NUBPL: variants seen among roughly 807,000 people sequenced by gnomAD.
NUBPL encodes the protein NUBP iron-sulfur cluster assembly factor, mitochondrial, also known as iron-sulfur cluster transfer protein NUBPL.
A neutral mutation model predicts 45.7 loss-of-function variants in NUBPL; 31 were observed. The ratio of observed to expected loss-of-function variants is 0.68; its 90% CI spans 0.51 to 0.92. NUBPL has a LOEUF of 0.92. Among genes scored for constraint, NUBPL ranks in the 40% least tolerant of loss-of-function variants. NUBPL has a pLI of 0.00. For synonymous variants in NUBPL, 144 were observed against 140.9 expected, an observed-to-expected ratio of 1.02 and a Z score of -0.15; for missense variants, 401 against 398.7, an observed-to-expected ratio of 1.01 and a Z score of -0.05.
Position 31,826,647 on chromosome 14 carries a change from C to T in NUBPL, c.626C>T (p.Thr209Met), listed in dbSNP as rs372679883. The T allele has an allele frequency of 1.3e-5, 21 of 1,614,074 alleles. No homozygotes were observed. Among genetic ancestry groups the T allele is most frequent in the Non-Finnish European group, 1.5e-5 (18 of 1,179,928 alleles). Residue 209 changes from threonine to methionine, a missense_variant, in exon 8 of 11, where the codon ACG becomes ATG. Thr to Met is a moderately conservative substitution (Grantham distance 81, BLOSUM62 -1). Coordinates refer to ENST00000281081, the MANE Select transcript of NUBPL (RefSeq NM_025152.3). ...TGGCTAGGTGCTGTGATTGTCTCCACGCCCCAGGACATCGCATTGATGGAT... is the reference window on the plus strand; with the variant it reads ...TGGCTAGGTGCTGTGATTGTCTCCATGCCCCAGGACATCGCATTGATGGAT... ...IPITGAVIVS[T>M]PQDIALMDAH...
intron 6 of NUBPL, among the ~76,000 whole-genome samples, chr14:31,710,302 C>T (rs1025854945): frequency 6.6e-6 from 1 of 152,150 alleles, no homozygotes. Context: ...CTGCAATGGT[C>T]CCTGGACCCT....
intron 3 of NUBPL, among the ~76,000 whole-genome samples, chr14:31,579,333 G>T (rs1407283600): frequency 1.3e-5 from 2 of 152,148 alleles, no homozygotes; most frequent in East Asian, 3.8e-4. Flanking sequence ...GGAGGAAAAG[G>T]ATATCTGTAT....
At chr14:31,589,689 A>G (rs956811287) in intron 3 of NUBPL, among the ~76,000 whole-genome samples, 1 of 152,116 alleles carries the variant, frequency 6.6e-6, no homozygotes, top group Non-Finnish European at 1.5e-5. Flanking sequence ...CACACACCAC[A>G]TTCACCCTGA....
intron 6 of NUBPL, among the ~76,000 whole-genome samples, chr14:31,733,121 G>C (rs1450602556): frequency 1.3e-5 from 2 of 152,038 alleles, no homozygotes; most frequent in East Asian, 3.8e-4. Context: ...CAAATGTAAA[G>C]ATATTTTCCC....
chr14:31,579,599 A>C (rs2033810081), intron 3 of NUBPL, among the ~76,000 whole-genome samples: 1 of 152,228 alleles, frequency 6.6e-6, no homozygotes, highest in African/African-American at 2.4e-5. Context: ...AGTGAAATGC[A>C]GTTTCAGTGG....
At chr14:31,783,892 A>G (rs1253267206) in intron 6 of NUBPL, among the ~76,000 whole-genome samples, 1 of 152,216 alleles carries the variant, frequency 6.6e-6, no homozygotes, top group Non-Finnish European at 1.5e-5. Context: ...GGGAAAAACA[A>G]TGATAAATTA....
At chr14:31,667,342 G>A (rs1029000653) in intron 4 of NUBPL, among the ~76,000 whole-genome samples, 4 of 151,468 alleles carry the variant, frequency 2.6e-5, no homozygotes, top group Admixed American at 1.3e-4. Context: ...TGATCAATTC[G>A]ACTATTGATA....
rs371481325 is a variant in NUBPL at position 31,635,230 on chromosome 14, G to A, written c.382+35851G>A. Among the ~76,000 whole-genome samples the A allele has an allele frequency of 5.3e-5, 8 of 152,080 alleles. No homozygotes were observed. The South Asian group carries it at 8.3e-4, about 16-fold the overall frequency. ...GGGTTTTTATGGTTTTAGGTCTAAC[G>A]TTTAAGTCTTTAATCCATCTTGAAT... On this transcript the variant is annotated intron_variant, in intron 4 of 10. Coordinates refer to ENST00000281081, the MANE Select transcript of NUBPL (RefSeq NM_025152.3).
intron 4 of NUBPL, among the ~76,000 whole-genome samples, chr14:31,657,128 C>G (rs2036159903): frequency 6.6e-6 from 1 of 152,162 alleles, no homozygotes; most frequent in African/African-American, 2.4e-5. Context: ...AGTCACTGTT[C>G]TAGAAATACT....
chr14:31,773,566 T>C (rs2039047230), intron 6 of NUBPL, among the ~76,000 whole-genome samples: 4 of 152,210 alleles, frequency 2.6e-5, no homozygotes, highest in Admixed American at 1.3e-4. Flanking sequence ...GTTAGTTGAA[T>C]AACGATCCTA....
At chr14:31,754,557 G>A (rs2038606716) in intron 6 of NUBPL, among the ~76,000 whole-genome samples, 1 of 148,146 alleles carries the variant, frequency 6.8e-6, no homozygotes, top group Non-Finnish European at 1.5e-5. Context: ...TTAGAAGATT[G>A]TGGGTTTTAA....
intron 7 of NUBPL, among the ~76,000 whole-genome samples, chr14:31,814,303 CAT>C (rs567442443): frequency 1.7e-4 from 26 of 152,232 alleles, no homozygotes; most frequent in African/African-American, 5.8e-4. Flanking sequence ...AGCTTTTTTT[CAT>C]ATGTTTGTTG....
chr14:31,842,983 G>A (rs527337345), intron 8 of NUBPL, among the ~76,000 whole-genome samples: 3 of 152,228 alleles, frequency 2.0e-5, no homozygotes, highest in African/African-American at 4.8e-5. Context: ...GATGGGCTAG[G>A]TTATGTGTGT....
At chr14:31,598,017 G>T (rs549835929) in intron 3 of NUBPL, among the ~76,000 whole-genome samples, 2 of 151,972 alleles carry the variant, frequency 1.3e-5, no homozygotes, top group East Asian at 1.9e-4. Context: ...ATACCTAAAT[G>T]CATTAAGCTT....
chr14:31,770,406 G>C (rs541975329), intron 6 of NUBPL, among the ~76,000 whole-genome samples: 1 of 152,250 alleles, frequency 6.6e-6, no homozygotes, highest in East Asian at 1.9e-4. Flanking sequence ...CTTCTGGGTG[G>C]GGACTACAGG....
At chr14:31,795,018 G>A (rs1322433969) in intron 7 of NUBPL, among the ~76,000 whole-genome samples, 1 of 145,286 alleles carries the variant, frequency 6.9e-6, no homozygotes, top group Non-Finnish European at 1.5e-5. Flanking sequence ...TTTTTCTCAG[G>A]TTTGTCAAAG....
intron 4 of NUBPL, among the ~76,000 whole-genome samples, chr14:31,666,073 C>T (rs1336446463): frequency 2.7e-5 from 4 of 149,948 alleles, no homozygotes; most frequent in African/African-American, 9.8e-5. Context: ...TTTCCATTTG[C>T]CTGGTAAATA....
At chr14:31,681,379 G>A (rs989255040) in intron 6 of NUBPL, among the ~76,000 whole-genome samples, 3 of 151,658 alleles carry the variant, frequency 2.0e-5, no homozygotes, top group African/African-American at 7.2e-5. Flanking sequence ...GATATGGGAT[G>A]TAGCAGTGTT....
At chr14:31,834,827 T>C (rs1452484250) in intron 8 of NUBPL, among the ~76,000 whole-genome samples, 2 of 152,194 alleles carry the variant, frequency 1.3e-5, no homozygotes, top group African/African-American at 4.8e-5. Context: ...ATTTGTTTAG[T>C]GGGACATCTG....
Sources: allele counts gnomAD v4.1 joint callset (sites outside exome capture counted in the v4.1 genomes callset), GRCh38; gene constraint gnomAD v4.1.1; transcripts MANE v1.5; gene names NCBI Gene and HGNC (gene_info 2026-07-23, HGNC 2026-07-21).